Variants in OSBPL10 observed in about 807,000 individuals in gnomAD.
OSBPL10 encodes oxysterol binding protein like 10.
A neutral mutation model predicts 81.7 loss-of-function variants in OSBPL10; 49 were observed. That is an observed-to-expected ratio of 0.60 (90% CI 0.48 to 0.76). The LOEUF (loss-of-function observed/expected upper bound fraction) is 0.76. Among genes scored for constraint, OSBPL10 ranks in the 30% least tolerant of loss-of-function variants. The pLI is 0.00. For missense variants in OSBPL10, 923 were observed against 987.8 expected (o/e 0.93, Z 0.88); for synonymous variants, 419 against 383.6 (o/e 1.09, Z -1.08).
chr3:31,886,918 G>A (rs1695752275), intron 1 of OSBPL10, among the ~76,000 whole-genome samples: 4 of 150,710 alleles, frequency 2.7e-5, no homozygotes, highest in Admixed American at 2.6e-4. Flanking sequence ...CAGCCTGGGT[G>A]ACAGAGTGAG....
intron 2 of OSBPL10, among the ~76,000 whole-genome samples, chr3:31,878,815 A>ATGTGTGTGTGTGTG (rs59233088): frequency 3.7e-5 from 5 of 136,446 alleles, no homozygotes; most frequent in Non-Finnish European, 4.8e-5. Context: ...CTGCGTGTCC[A>ATGTGTGTGTGTGTG]TGTGTGTGTG....
At chr3:31,910,479 C>T (rs1168157239) in intron 1 of OSBPL10, among the ~76,000 whole-genome samples, 1 of 151,748 alleles carries the variant, frequency 6.6e-6, no homozygotes, top group East Asian at 2.0e-4. Context: ...TACGAAAATA[C>T]AAAGTTATTA....
intron 4 of OSBPL10, among the ~76,000 whole-genome samples, chr3:31,784,362 G>GGAAAC (rs1416573647): frequency 7.1e-6 from 1 of 140,210 alleles, no homozygotes; most frequent in Non-Finnish European, 1.6e-5. Context: ...GGAAAGGAAA[G>GGAAAC]GAAAAGGAAA....
At chr3:31,961,577 T>C (rs1698163090) in intron 1 of OSBPL10, among the ~76,000 whole-genome samples, 2 of 152,060 alleles carry the variant, frequency 1.3e-5, no homozygotes, top group African/African-American at 2.4e-5. Flanking sequence ...GGGCTAATTA[T>C]TGGTGTCTTT....
chr3:31,765,886 C>T (rs1559455080), intron 4 of OSBPL10, among the ~76,000 whole-genome samples: 1 of 152,154 alleles, frequency 6.6e-6, no homozygotes, highest in Non-Finnish European at 1.5e-5. Flanking sequence ...ACCACCCACA[C>T]TCATGCAAGG....
intron 3 of OSBPL10, among the ~76,000 whole-genome samples, chr3:31,873,125 T>C (rs1351564758): frequency 1.3e-5 from 2 of 150,230 alleles, no homozygotes; most frequent in Admixed American, 1.3e-4. Context: ...ACAGTGGTGG[T>C]TACTCGACTC....
At chr3:31,916,730 T>G (rs1696768483) in intron 1 of OSBPL10, among the ~76,000 whole-genome samples, 1 of 152,198 alleles carries the variant, frequency 6.6e-6, no homozygotes, top group African/African-American at 2.4e-5. Context: ...AAATCCCTGA[T>G]TAATTACTTC....
At chr3:31,730,563 A>G (rs948204873) in intron 6 of OSBPL10, among the ~76,000 whole-genome samples, 1 of 152,202 alleles carries the variant, frequency 6.6e-6, no homozygotes, top group African/African-American at 2.4e-5. Context: ...TTCATTATAG[A>G]AGAATATTTC....
At chr3:32,000,429 C>T (rs1699133808) in intron 2 of OSBPL10, among the ~76,000 whole-genome samples, 1 of 152,188 alleles carries the variant, frequency 6.6e-6, no homozygotes, top group Non-Finnish European at 1.5e-5. Flanking sequence ...GTCTCCTTAA[C>T]GGTCATATGA....
intron 4 of OSBPL10, among the ~76,000 whole-genome samples, chr3:31,766,236 G>A (rs180836997): frequency 6.6e-6 from 1 of 151,978 alleles, no homozygotes; most frequent in East Asian, 1.9e-4. Flanking sequence ...CAGTGGCCAT[G>A]TGACACACCA....
chr3:31,807,417 A>C (rs528770619), intron 4 of OSBPL10, among the ~76,000 whole-genome samples: 5 of 147,680 alleles, frequency 3.4e-5, no homozygotes, highest in African/African-American at 1.3e-4. Context: ...TTCACTCTGC[A>C]TGCTGTGTTG....
intron 6 of OSBPL10, among the ~76,000 whole-genome samples, chr3:31,723,816 C>T (rs977926624): frequency 6.6e-6 from 1 of 152,144 alleles, no homozygotes; most frequent in Non-Finnish European, 1.5e-5. Context: ...AATCTCTGAG[C>T]GTTGACTTTC....
intron 4 of OSBPL10, among the ~76,000 whole-genome samples, chr3:31,780,993 A>G (rs543006654): frequency 1.3e-5 from 2 of 152,306 alleles, no homozygotes; most frequent in South Asian, 4.1e-4. Context: ...TACTAAAATC[A>G]GGAAAGGATA....
rs575442669 is a variant in OSBPL10 at position 31,824,097 on chromosome 3, C to T, written c.729+5943G>A. 5.3e-5 allele frequency among the ~76,000 whole-genome samples: 8 copies of T among 152,216 alleles called. No homozygotes were observed. In the South Asian group the frequency reaches 6.2e-4, roughly 12 times the overall value. ...CTTGTCTTAAACTCCTGAGCTCAGG[C>T]GATCCTCTCATCTCAGCCTCCCAAA... On this transcript the variant is annotated intron_variant, in intron 4 of 11. Coordinates refer to ENST00000396556, the MANE Select transcript of OSBPL10 (RefSeq NM_017784.5).
chr3:31,856,945 G>A (rs902510158), intron 3 of OSBPL10, among the ~76,000 whole-genome samples: 7 of 152,086 alleles, frequency 4.6e-5, no homozygotes, highest in African/African-American at 7.2e-5. Context: ...GCATGGTGGC[G>A]GGCACCTGTA....
At chr3:31,910,404 GCAGGCAGATTACCTGAGAT>G (rs1559514378) in intron 1 of OSBPL10, among the ~76,000 whole-genome samples, 5 of 151,716 alleles carry the variant, frequency 3.3e-5, no homozygotes, top group Admixed American at 6.6e-5. Flanking sequence ...GGAAGCTGAG[GCAGGCAGATTACCTGAGAT>G]CAGGAGTTCA....
intron 4 of OSBPL10, among the ~76,000 whole-genome samples, chr3:31,794,131 A>C (rs1699115839): frequency 6.6e-6 from 1 of 152,104 alleles, no homozygotes; most frequent in Non-Finnish European, 1.5e-5. Context: ...TCCCGACCCC[A>C]CTTTCCCCAC....
At chr3:31,750,387 A>G (rs147412611) in intron 4 of OSBPL10, among the ~76,000 whole-genome samples, 21 of 152,306 alleles carry the variant, frequency 1.4e-4, no homozygotes, top group African/African-American at 4.8e-4. Context: ...GTACCTACCT[A>G]TTGAATGAAT....
At chr3:31,744,897 C>G (rs1005346075) in intron 5 of OSBPL10, among the ~76,000 whole-genome samples, 1 of 152,060 alleles carries the variant, frequency 6.6e-6, no homozygotes, top group Non-Finnish European at 1.5e-5. Flanking sequence ...TAGTGAGATT[C>G]TCGGAACGAG....
Sources: gnomAD v4.1 joint callset for allele counts (sites outside exome capture counted in the v4.1 genomes callset) on GRCh38, gnomAD v4.1.1 for gene constraint, MANE v1.5 for transcripts, NCBI Gene and HGNC (gene_info 2026-07-23, HGNC 2026-07-21) for gene names.